PRELID2: variants seen among roughly 807,000 people sequenced by gnomAD.
PRELID2 encodes PRELI domain containing 2, also known as PRELI domain-containing protein 2.
A neutral mutation model predicts 28.4 loss-of-function variants in PRELID2; 25 were observed. The observed-to-expected ratio is 0.88, with a 90% CI of 0.64 to 1.23. PRELID2 has a LOEUF of 1.23. Ranked by LOEUF, PRELID2 falls within the 50% of genes most tolerant of loss-of-function variation. The pLI is 0.00. For missense variants in PRELID2, 201 were observed against 214.4 expected, an observed-to-expected ratio of 0.94 and a Z score of 0.39; for synonymous variants, 76 against 71.6, an observed-to-expected ratio of 1.06 and a Z score of -0.31.
At chr5:145,547,747 C>T (rs1452796205) in intron 1 of PRELID2, among the ~76,000 whole-genome samples, 1 of 152,140 alleles carries the variant, frequency 6.6e-6, no homozygotes, top group African/African-American at 2.4e-5. Flanking sequence ...AGTCTTTTCC[C>T]TTTGGTGTCT....
chr5:145,338,942 T>C, the PRELID2 span, among the ~76,000 whole-genome samples: 14 of 152,216 alleles, frequency 9.2e-5, no homozygotes, highest in Non-Finnish European at 1.8e-4. Flanking sequence ...GGAATTGAAG[T>C]AGATACTAAT....
chr5:145,459,195 C>A, the PRELID2 span, among the ~76,000 whole-genome samples: 3 of 152,166 alleles, frequency 2.0e-5, no homozygotes, highest in Non-Finnish European at 4.4e-5. Flanking sequence ...CCAGAAAATT[C>A]TGATGTCCCC....
chr5:145,493,779 A>G (rs1039915670), intron 1 of PRELID2, among the ~76,000 whole-genome samples: 1 of 152,112 alleles, frequency 6.6e-6, no homozygotes, highest in Non-Finnish European at 1.5e-5. Flanking sequence ...TATCATATCC[A>G]TGATGAGGCT....
At chr5:145,725,897 T>G (rs143253630) in intron 1 of PRELID2, among the ~76,000 whole-genome samples, 1 of 152,214 alleles carries the variant, frequency 6.6e-6, no homozygotes, top group East Asian at 1.9e-4. Context: ...CAGAAAGAAT[T>G]TACACGTGGG....
At chr5:145,422,828 T>C in the PRELID2 span, among the ~76,000 whole-genome samples, 1 of 152,090 alleles carries the variant, frequency 6.6e-6, no homozygotes, top group African/African-American at 2.4e-5. Flanking sequence ...TTCTTCCTAG[T>C]CTCGATGGTC....
At chr5:145,418,795 T>A in the PRELID2 span, among the ~76,000 whole-genome samples, 4 of 151,826 alleles carry the variant, frequency 2.6e-5, no homozygotes, top group African/African-American at 9.7e-5. Flanking sequence ...TAGTTACATA[T>A]GTATACATGT....
chr5:145,705,089 T>C (rs930042654), intron 1 of PRELID2, among the ~76,000 whole-genome samples: 2 of 152,182 alleles, frequency 1.3e-5, no homozygotes, highest in Non-Finnish European at 2.9e-5. Flanking sequence ...ATATAATGTC[T>C]AACTCACTCG....
rs181702048 is a variant in PRELID2, at chr5:145,650,832, G to A, written n.70+114099C>T. ...TCAGTCTACAGCTCCCAGTGTGAGCGATGCAGAAGACGGATAATTTCTGCA... is the reference window on the plus strand; with the variant it reads ...TCAGTCTACAGCTCCCAGTGTGAGCAATGCAGAAGACGGATAATTTCTGCA... On this transcript the variant is annotated intron_variant and non_coding_transcript_variant, in intron 1 of 2. Coordinates refer to the PRELID2 transcript ENST00000510259. 3.8e-3 allele frequency among the ~76,000 whole-genome samples: 583 copies of A among 152,052 alleles called. 1 individual carries two copies. Among genetic ancestry groups the A allele is most frequent in the African/African-American group, 0.013 (521 of 41,474 alleles).
Position 145,756,475 on chromosome 5 carries a change from A to AT in PRELID2, c.*4060dup. The stretch of plus-strand genomic sequence containing the variant: ...TCCCACATAAAAATTTGGCCTGATC[A>AT]TTTTTTGAGTTTTAATCCTCTTAAG... On this transcript the variant is annotated 3_prime_UTR_variant, in exon 7 of 7. Transcript: ENST00000683046. 6.6e-6 allele frequency among the ~76,000 whole-genome samples: 1 copy of AT among 152,200 alleles called. No homozygotes were observed. Among genetic ancestry groups the AT allele is most frequent in the East Asian group, 1.9e-4 (1 of 5,200 alleles).
At chr5:145,512,306 G>T (rs1052155791) in intron 1 of PRELID2, among the ~76,000 whole-genome samples, 2 of 152,152 alleles carry the variant, frequency 1.3e-5, no homozygotes, top group African/African-American at 4.8e-5. Context: ...CAGAGTGAGA[G>T]CCAAAGCAGG....
At chr5:145,528,712 CACACACACACACACAG>C (rs1020971134) in intron 1 of PRELID2, among the ~76,000 whole-genome samples, 21 of 129,822 alleles carry the variant, frequency 1.6e-4, no homozygotes, top group Non-Finnish European at 2.2e-4. Context: ...CACACACACA[CACACACACACACACAG>C]AGAGAGAGAG....
intron 1 of PRELID2, among the ~76,000 whole-genome samples, chr5:145,522,396 G>GAC (rs111725998): frequency 0.066 from 9,925 of 150,138 alleles, 403 homozygotes; most frequent in African/African-American, 0.12. Flanking sequence ...TAGATACAGA[G>GAC]ACACACACAC....
At chr5:145,352,979 A>G in the PRELID2 span, among the ~76,000 whole-genome samples, 1 of 152,178 alleles carries the variant, frequency 6.6e-6, no homozygotes, top group African/African-American at 2.4e-5. Flanking sequence ...GTTATTCAAC[A>G]AGATTTTAGG....
chr5:145,742,104 TTA>T (rs1756825315), intron 1 of PRELID2, among the ~76,000 whole-genome samples: 1 of 128,090 alleles, frequency 7.8e-6, no homozygotes, highest in East Asian at 2.2e-4. Flanking sequence ...TTACATATAA[TTA>T]TATATAAATA....
chr5:145,699,059 G>A (rs895407272), intron 1 of PRELID2, among the ~76,000 whole-genome samples: 2 of 152,070 alleles, frequency 1.3e-5, no homozygotes, highest in Non-Finnish European at 2.9e-5. Flanking sequence ...ATCACCTTGG[G>A]GTTTAGCAAT....
chr5:145,620,959 A>G (rs1285381789), intron 1 of PRELID2, among the ~76,000 whole-genome samples: 1 of 152,240 alleles, frequency 6.6e-6, no homozygotes, highest in East Asian at 1.9e-4. Context: ...ACATCATCAA[A>G]GTAGTGAGAA....
intron 4 of PRELID2, among the ~76,000 whole-genome samples, chr5:145,802,737 C>T (rs1467221908): frequency 1.3e-5 from 2 of 152,124 alleles, no homozygotes; most frequent in African/African-American, 2.4e-5. Flanking sequence ...TGATTCAAAA[C>T]AAAACCCAAT....
chr5:145,589,238 A>G (rs1753194114), intron 1 of PRELID2, among the ~76,000 whole-genome samples: 2 of 152,190 alleles, frequency 1.3e-5, no homozygotes, highest in Admixed American at 6.6e-5. Flanking sequence ...ACTTTTATAA[A>G]CCAGGCTCTG....
At chr5:145,831,460 T>G (rs923500487) in intron 1 of PRELID2, among the ~76,000 whole-genome samples, 2 of 152,150 alleles carry the variant, frequency 1.3e-5, no homozygotes, top group South Asian at 4.1e-4. Flanking sequence ...ATGGTGAAAA[T>G]TGTTTCCCAT....
Sources: gnomAD v4.1 joint callset for allele counts (sites outside exome capture counted in the v4.1 genomes callset) on GRCh38, gnomAD v4.1.1 for gene constraint, MANE v1.5 for transcripts, NCBI Gene and HGNC (gene_info 2026-07-23, HGNC 2026-07-21) for gene names.